LCP1: variants seen among roughly 807,000 people sequenced by gnomAD.
LCP1 encodes plastin-2.
LCP1 carries 23 observed loss-of-function variants against 72.0 expected under a neutral mutation model. The ratio of observed to expected loss-of-function variants is 0.32; its 90% CI spans 0.23 to 0.45. The LOEUF (loss-of-function observed/expected upper bound fraction) is 0.45, where lower values mean the gene tolerates loss of function less well. Ranked by LOEUF, LCP1 falls within the 20% of genes least tolerant of loss-of-function variation. LCP1 has a pLI of 1.00. For synonymous variants in LCP1, 245 were observed against 275.4 expected (o/e 0.89, Z 1.09); for missense variants, 571 against 748.3 (o/e 0.76, Z 2.76).
chr13:46,139,525 C>T (rs897349982), intron 13 of LCP1, among the ~76,000 whole-genome samples: 20 of 152,210 alleles, frequency 1.3e-4, no homozygotes, highest in African/African-American at 4.8e-4. Flanking sequence ...TGTAATGTGA[C>T]ATGCAGTTTC....
intron 1 of LCP1, among the ~76,000 whole-genome samples, chr13:46,161,045 T>C (rs2045835201): frequency 6.6e-6 from 1 of 152,218 alleles, no homozygotes; most frequent in Admixed American, 6.5e-5. Flanking sequence ...ACACTCAATT[T>C]TGCAAATCCA....
At chr13:46,173,104 T>C (rs2045912347) in intron 1 of LCP1, among the ~76,000 whole-genome samples, 1 of 151,486 alleles carries the variant, frequency 6.6e-6, no homozygotes, top group African/African-American at 2.4e-5. Flanking sequence ...GATACACCCA[T>C]GTAAAGGCAT....
intron 1 of LCP1, among the ~76,000 whole-genome samples, chr13:46,178,783 C>T (rs938046811): frequency 6.6e-6 from 1 of 152,134 alleles, no homozygotes; most frequent in African/African-American, 2.4e-5. Flanking sequence ...TAATGTCACT[C>T]TACTATAAAA....
chr13:46,130,819 A>C lies in LCP1; in HGVS notation c.1746T>G (p.Asn582Lys). The change falls in exon 15 of 16, where the codon AAT (asparagine) becomes AAG (lysine). Residue 582 changes from asparagine (N) to lysine (K), a missense_variant. Physicochemically the swap from Asn to Lys is moderately conservative, Grantham distance 94. Coordinates refer to ENST00000323076, the MANE Select transcript of LCP1 (RefSeq NM_002298.5). ...GTTTATTTTTATTTACGTACTTTGCATTGTTGAGTTTCTCATCATCATTCA... is the reference window on the plus strand; with the variant it reads ...GTTTATTTTTATTTACGTACTTTGCCTTGTTGAGTTTCTCATCATCATTCA... ...ENLNDDEKLN[N>K]AKYAISMARK... The C allele has an allele frequency of 6.2e-7, 1 of 1,612,668 alleles. No homozygotes were observed. Among genetic ancestry groups the C allele is most frequent in the Non-Finnish European group, 8.5e-7 (1 of 1,179,608 alleles).
intron 15 of LCP1, among the ~76,000 whole-genome samples, chr13:46,129,167 C>T (rs1370865792): frequency 6.6e-6 from 1 of 152,212 alleles, no homozygotes; most frequent in Non-Finnish European, 1.5e-5. Flanking sequence ...GCCACCATGA[C>T]ATAACCATTC....
chr13:46,127,823 G>A (rs2045608661), intron 15 of LCP1, 100 bp from the exon 16 acceptor site: 2 of 1,409,550 alleles, frequency 1.4e-6, no homozygotes, highest in Non-Finnish European at 1.9e-6. Flanking sequence ...AGTCAGGACA[G>A]AACTCACTCC....
chr13:46,161,338 T>C (rs1407255339), intron 1 of LCP1, among the ~76,000 whole-genome samples: 1 of 152,226 alleles, frequency 6.6e-6, no homozygotes, highest in Non-Finnish European at 1.5e-5. Context: ...TTTAAATGTA[T>C]TCATTAAAAA....
At chr13:46,141,396 ACT>A (rs1160658835) in intron 13 of LCP1, among the ~76,000 whole-genome samples, 2 of 110,972 alleles carry the variant, frequency 1.8e-5, no homozygotes, top group Non-Finnish European at 3.4e-5. Context: ...ACAGAGCAAG[ACT>A]CTGTCTCAAA....
At chr13:46,162,851 T>C (rs1428884500) in intron 1 of LCP1, among the ~76,000 whole-genome samples, 4 of 147,704 alleles carry the variant, frequency 2.7e-5, no homozygotes, top group Non-Finnish European at 1.5e-5. Flanking sequence ...GTCTGGGAGG[T>C]GAGGAGCGTC....
Position 46,157,287 on chromosome 13 carries a change from T to C in LCP1, c.359-717A>G, listed in dbSNP as rs115627253. ...ATATATACACATATAAATACAAATG[T>C]GGTATAATGCTTACAGGACAAAACT... is the stretch of plus-strand genomic sequence containing the variant. On this transcript the variant is annotated intron_variant, in intron 4 of 15. Transcript: ENST00000323076. Among the ~76,000 whole-genome samples, 897 of 152,116 alleles carry C rather than the reference T, an allele frequency of 5.9e-3. 6 individuals carry two copies. The highest frequency in any genetic ancestry group is 0.021 in the African/African-American group (866 of 41,496).
chr13:46,158,082 G>T (rs1188626481), intron 4 of LCP1, among the ~76,000 whole-genome samples: 1 of 152,176 alleles, frequency 6.6e-6, no homozygotes, highest in Non-Finnish European at 1.5e-5. Context: ...TTTTGGAAAT[G>T]TTGCAACAAC....
At chr13:46,127,802 A>G in intron 15 of LCP1, 79 bp from the exon 16 acceptor site, 1 of 1,542,932 alleles carries the variant, frequency 6.5e-7, no homozygotes, top group Non-Finnish European at 8.9e-7. Context: ...TCACAGTCAC[A>G]GTCGTTCCAT....
chr13:46,162,924 A>C (rs1242530686), intron 1 of LCP1, among the ~76,000 whole-genome samples: 6 of 141,898 alleles, frequency 4.2e-5, no homozygotes, highest in African/African-American at 1.1e-4. Context: ...CCCTGTCTGA[A>C]AAGTGAGGCG....
intron 11 of LCP1, among the ~76,000 whole-genome samples, chr13:46,144,220 G>A (rs879568251): frequency 3.3e-5 from 5 of 152,198 alleles, no homozygotes; most frequent in Non-Finnish European, 7.3e-5. Context: ...GTTTCATTTT[G>A]TTGAGGTATG....
chr13:46,144,308 A>T (rs934260172), intron 11 of LCP1, 134 bp downstream of exon 11: 4 of 668,384 alleles, frequency 6.0e-6, no homozygotes, highest in East Asian at 2.6e-5. Flanking sequence ...CTGAAGCTCA[A>T]CTTGGCACTT....
chr13:46,169,691 C>A (rs757075736), intron 1 of LCP1: 1 of 152,396 alleles, frequency 6.6e-6, no homozygotes, highest in Non-Finnish European at 1.5e-5. Flanking sequence ...CTCAAGCCAC[C>A]CTCCTGCCTC....
chr13:46,145,964 G>A (rs1484230637), intron 10 of LCP1, among the ~76,000 whole-genome samples: 2 of 150,884 alleles, frequency 1.3e-5, no homozygotes, highest in Non-Finnish European at 3.0e-5. Context: ...AACGGGATGG[G>A]AGGTGGGCTG....
chr13:46,144,003 T>C (rs563316464), intron 11 of LCP1, among the ~76,000 whole-genome samples: 1 of 152,114 alleles, frequency 6.6e-6, no homozygotes, highest in East Asian at 1.9e-4. Context: ...GAGGCAGAGC[T>C]TGCAGTGAGC....
At chr13:46,174,633 C>T (rs2045919522) in intron 1 of LCP1, among the ~76,000 whole-genome samples, 1 of 152,036 alleles carries the variant, frequency 6.6e-6, no homozygotes, top group South Asian at 2.1e-4. Flanking sequence ...CGCCTGAGGT[C>T]AGGAGTTCAA....
Sources: gnomAD v4.1 joint callset for allele counts (sites outside exome capture counted in the v4.1 genomes callset) on GRCh38, gnomAD v4.1.1 for gene constraint, MANE v1.5 for transcripts, NCBI Gene and HGNC (gene_info 2026-07-23, HGNC 2026-07-21) for gene names.